The following EPN2 variants were observed in gnomAD, a reference collection of about 807,000 sequenced individuals.
EPN2 encodes the protein epsin-2.
Under a neutral mutation model 61.7 loss-of-function variants are expected in EPN2, and 34 were observed. The ratio of observed to expected loss-of-function variants is 0.55; its 90% CI spans 0.42 to 0.73. The LOEUF is 0.73. EPN2 is among the 30% of genes least tolerant of loss of function. The pLI, the probability that EPN2 is intolerant of heterozygous loss-of-function variation, is 0.00. For missense variants in EPN2, 714 were observed against 839.2 expected (o/e 0.85, Z 1.84); for synonymous variants, 349 against 353.6 (o/e 0.99, Z 0.15).
chr17:19,303,684 T>G (rs1308955326), intron 4 of EPN2: 1 of 152,278 alleles, frequency 6.6e-6, no homozygotes, highest in African/African-American at 2.4e-5. Context: ...GGTTTGTCCC[T>G]GTGTTGTAAA....
At chr17:19,305,027 C>T (rs62065871) in intron 4 of EPN2, among the ~76,000 whole-genome samples, 1,544 of 152,310 alleles carry the variant, frequency 0.01, 15 homozygotes, top group Admixed American at 0.014. Flanking sequence ...GTGACGCTCA[C>T]GTACCAGTGC....
intron 6 of EPN2, 151 bp from the exon 7 acceptor site, chr17:19,312,954 G>T: frequency 1.4e-6 from 1 of 729,924 alleles, no homozygotes. Flanking sequence ...GGAGGGAGAT[G>T]GGACGGCTCA....
intron 4 of EPN2, among the ~76,000 whole-genome samples, chr17:19,305,505 G>A (rs1480325340): frequency 6.6e-6 from 1 of 152,178 alleles, no homozygotes; most frequent in Non-Finnish European, 1.5e-5. Context: ...TTTTTAATCA[G>A]CACTATGTGA....
chr17:19,294,176 G>A (rs543251592), intron 4 of EPN2, among the ~76,000 whole-genome samples: 3 of 151,850 alleles, frequency 2.0e-5, no homozygotes, highest in South Asian at 4.2e-4. Context: ...CTAGCACTTC[G>A]AGAGGCTGAA....
intron 1 of EPN2, among the ~76,000 whole-genome samples, chr17:19,278,535 G>A (rs143418962): frequency 2.0e-5 from 3 of 152,276 alleles, no homozygotes; most frequent in African/African-American, 7.2e-5. Context: ...AGACTGGCCC[G>A]CATAATTCAA....
Position 19,283,440 on chromosome 17 carries a change from G to A in EPN2, c.321G>A (p.Lys107=). 6.2e-7 allele frequency: 1 copy of A among 1,614,172 alleles called. No homozygotes were observed. ...RENIFAIQTL[K]DFQYIDRDGK... ...ACATCTTCGCCATCCAGACCCTGAA[G>A]GACTTCCAGTACATTGACCGAGATG... Residue 107 remains lysine (K), a synonymous_variant, in exon 3 of 11, where the codon AAG becomes AAA. Transcript: ENST00000314728. The surrounding 1 kb of genome is among the most constrained non-coding windows in gnomAD (Gnocchi z 7.0).
chr17:19,331,840 C>T lies in EPN2; in HGVS notation c.1412-13C>T, dbSNP rs757234221. ...GCCACACTCACCCTGCCATATGTGT[C>T]CTTGTCTTGTAGCCGAATCTGTGAC... On this transcript the variant is annotated splice_polypyrimidine_tract_variant and intron_variant, in intron 9 of 10. Coordinates refer to ENST00000314728, the MANE Select transcript of EPN2 (RefSeq NM_014964.5). The T allele has an allele frequency of 3.4e-5, 55 of 1,611,648 alleles. No individual in the cohort carries two copies. The highest frequency in any genetic ancestry group is 4.4e-5 in the Non-Finnish European group (52 of 1,177,862).
rs1906171865 is a variant in EPN2 at position 19,312,163 on chromosome 17, G to T, written c.972+19G>T. 1 of 1,578,076 alleles carries T rather than the reference G, an allele frequency of 6.3e-7. No homozygotes were observed. The highest frequency in any genetic ancestry group is 1.3e-5 in the African/African-American group (1 of 74,188). ...GAAAGAGGTAAGAGCTTGCTGGGAGGGTAGATGTTTCACCCTGTCCTGTAG... is the reference window on the plus strand; with the variant it reads ...GAAAGAGGTAAGAGCTTGCTGGGAGTGTAGATGTTTCACCCTGTCCTGTAG... On this transcript the variant is annotated intron_variant, in intron 6 of 10. Coordinates refer to ENST00000314728, the MANE Select transcript of EPN2 (RefSeq NM_014964.5).
chr17:19,301,936 C>A (rs1015402466), intron 4 of EPN2, among the ~76,000 whole-genome samples: 30 of 152,228 alleles, frequency 2.0e-4, no homozygotes, highest in African/African-American at 6.8e-4. Context: ...GTGCAAAGCC[C>A]CTTTAGGGTG....
chr17:19,278,954 A>G (rs549565130), intron 1 of EPN2, among the ~76,000 whole-genome samples: 15 of 152,320 alleles, frequency 9.8e-5, no homozygotes, highest in Non-Finnish European at 1.8e-4. Context: ...AGGATTTCTT[A>G]GTGAGGATTT....
At chr17:19,253,406 GTTGCTTTTTTTTT>G (rs2045036292) in intron 1 of EPN2, among the ~76,000 whole-genome samples, 1 of 135,620 alleles carries the variant, frequency 7.4e-6, no homozygotes, top group Admixed American at 7.3e-5. Context: ...ATTGTAAATA[GTTGCTTTTTTTTT>G]TTTTTTTTTT....
chr17:19,295,388 C>A (rs1389871313), intron 4 of EPN2, among the ~76,000 whole-genome samples: 1 of 131,384 alleles, frequency 7.6e-6, no homozygotes. Flanking sequence ...GCAAAATAGC[C>A]AGGTGTAGTG....
chr17:19,327,689 C>G (rs762069713), intron 7 of EPN2, among the ~76,000 whole-genome samples: 3 of 152,050 alleles, frequency 2.0e-5, no homozygotes, highest in Non-Finnish European at 4.4e-5. Flanking sequence ...AATGAATACA[C>G]ACACATATTT....
At chr17:19,296,066 A>G (rs4924975) in intron 4 of EPN2, among the ~76,000 whole-genome samples, 147,345 of 152,298 alleles carry the variant, frequency 0.97, 71,541 homozygotes, top group African/African-American at 0.99. Flanking sequence ...TCCAGCTTGC[A>G]GTGGGATAAC....
At chr17:19,315,973 C>T (rs779311588) in intron 7 of EPN2, among the ~76,000 whole-genome samples, 13 of 152,188 alleles carry the variant, frequency 8.5e-5, no homozygotes, top group Admixed American at 3.3e-4. Flanking sequence ...TTCATAGAAA[C>T]GGAGTCATGC....
At chr17:19,244,771 G>A (rs2044926524) in intron 1 of EPN2, among the ~76,000 whole-genome samples, 1 of 152,080 alleles carries the variant, frequency 6.6e-6, no homozygotes. Context: ...TAATTTTCAT[G>A]GTGGTCCTGC....
Position 19,276,773 on chromosome 17 carries a change from G to GTTTTTTTTTTTT in EPN2, c.-293-5175_-293-5164dup, listed in dbSNP as rs80078595. Among the ~76,000 whole-genome samples the GTTTTTTTTTTTT allele has an allele frequency of 8.1e-4, 97 of 119,304 alleles. 3 individuals carry two copies. Among genetic ancestry groups the GTTTTTTTTTTTT allele is most frequent in the African/African-American group, 3.4e-3 (82 of 24,090 alleles). 78.3% of individuals were successfully genotyped at this position (119,304 alleles called of 152,430 possible). ...GTCAGTATGTAATTTATGAGAATAA[G>GTTTTTTTTTTTT]TTTTTTTTTTTTTTTTTTGCTGTAT... On this transcript the variant is annotated intron_variant, in intron 1 of 10. Coordinates refer to ENST00000314728, the MANE Select transcript of EPN2 (RefSeq NM_014964.5).
At chr17:19,281,239 G>A (rs2045355662) in intron 1 of EPN2, among the ~76,000 whole-genome samples, 1 of 152,188 alleles carries the variant, frequency 6.6e-6, no homozygotes, top group Non-Finnish European at 1.5e-5. Context: ...TACCGGGACT[G>A]ATCCTGCCTT....
chr17:19,304,324 T>C (rs914505257), intron 4 of EPN2, among the ~76,000 whole-genome samples: 4 of 152,096 alleles, frequency 2.6e-5, no homozygotes, highest in African/African-American at 9.7e-5. Context: ...TGTCACCACA[T>C]TGAGGAAGCG....
Sources: gnomAD v4.1 joint callset for allele counts (sites outside exome capture counted in the v4.1 genomes callset) on GRCh38, gnomAD v4.1.1 for gene constraint, Gnocchi (gnomAD v3.1) non-coding constraint, MANE v1.5 for transcripts, NCBI Gene and HGNC (gene_info 2026-07-23, HGNC 2026-07-21) for gene names.